Variants in HIVEP1 observed in about 807,000 individuals in gnomAD.
The protein encoded by HIVEP1 is HIVEP zinc finger 1.
A neutral mutation model predicts 180.0 loss-of-function variants in HIVEP1; 36 were observed. The observed-to-expected ratio is 0.20, with a 90% CI of 0.15 to 0.26. The LOEUF is 0.26. Ranked by LOEUF, HIVEP1 falls within the 10% of genes least tolerant of loss-of-function variation. HIVEP1 has a pLI of 1.00. For missense variants in HIVEP1, 3,143 were observed against 3,268.7 expected, an observed-to-expected ratio of 0.96 and a Z score of 0.94; for synonymous variants, 1,239 against 1,239.0, an observed-to-expected ratio of 1.00 and a Z score of 0.00.
intron 2 of HIVEP1, among the ~76,000 whole-genome samples, chr6:12,023,620 A>G (rs1223453046): frequency 6.6e-6 from 1 of 151,904 alleles, no homozygotes; most frequent in Non-Finnish European, 1.5e-5. Flanking sequence ...TGAGGAGGAT[A>G]AAAATATGAA....
At chr6:12,068,786 A>G (rs768376184) in intron 2 of HIVEP1, among the ~76,000 whole-genome samples, 2 of 152,204 alleles carry the variant, frequency 1.3e-5, no homozygotes, top group South Asian at 2.1e-4. Flanking sequence ...CATATATATT[A>G]TACATACCTG....
chr6:12,177,144 C>A, the HIVEP1 span, among the ~76,000 whole-genome samples: 1 of 152,066 alleles, frequency 6.6e-6, no homozygotes, highest in Admixed American at 6.6e-5. Flanking sequence ...AAGAGAACAG[C>A]AGACACTGGG....
rs1221077436 is a variant in HIVEP1, at chr6:12,161,314, G to A, written c.6488-125G>A. ...GCCTTCTCAGCCAGGGCGGAGGCTCGTTGTGGGCAGGGTCCTTGTCTTTTA... is the reference window on the plus strand; with the variant it reads ...GCCTTCTCAGCCAGGGCGGAGGCTCATTGTGGGCAGGGTCCTTGTCTTTTA... On this transcript the variant is annotated intron_variant, in intron 7 of 8. Coordinates refer to ENST00000379388, the MANE Select transcript of HIVEP1 (RefSeq NM_002114.4). 1.6e-5 allele frequency: 14 copies of A among 900,232 alleles called. 1 individual carries two copies. Among genetic ancestry groups the A allele is most frequent in the South Asian group, 1.2e-4 (7 of 60,490 alleles). The allele number at this position is 900,232 out of a possible 1,614,324, so 55.8% of individuals were successfully genotyped here.
intron 5 of HIVEP1, among the ~76,000 whole-genome samples, chr6:12,130,427 G>C (rs930260839): frequency 2.0e-5 from 3 of 152,068 alleles, no homozygotes; most frequent in African/African-American, 7.2e-5. Flanking sequence ...AGTCCCAGCT[G>C]TTCGGGAGGC....
downstream of HIVEP1, among the ~76,000 whole-genome samples, chr6:12,166,857 A>G (rs1199241431): frequency 6.6e-6 from 1 of 152,234 alleles, no homozygotes; most frequent in African/African-American, 2.4e-5. Context: ...GAAAGTTTTA[A>G]TGTGTAACAA....
At chr6:12,071,965 CTCTG>C (rs1393424842) in intron 2 of HIVEP1, among the ~76,000 whole-genome samples, 1 of 152,070 alleles carries the variant, frequency 6.6e-6, no homozygotes, top group Non-Finnish European at 1.5e-5. Context: ...TTACATTTGC[CTCTG>C]TCTTTTTCTT....
chr6:12,122,413 C>T lies in HIVEP1; in HGVS notation c.2618C>T (p.Ala873Val), dbSNP rs376662514. ...CAGTCATTTGATGACAAAATTGGCGCTTTCTATGATGATGTCTTTGTATCG... is the reference window on the plus strand; with the variant it reads ...CAGTCATTTGATGACAAAATTGGCGTTTTCTATGATGATGTCTTTGTATCG... ...GSQSFDDKIG[A>V]FYDDVFVSGP... Residue 873 changes from alanine (A) to valine (V), a missense_variant, in exon 4 of 9, where the codon GCT (alanine) becomes GTT (valine). Physicochemically the swap from Ala to Val is moderately conservative, Grantham distance 64 (BLOSUM62 0). Coordinates refer to ENST00000379388, the MANE Select transcript of HIVEP1 (RefSeq NM_002114.4). The T allele has an allele frequency of 1.9e-5, 31 of 1,614,230 alleles. No individual in the cohort carries two copies. The African/African-American group carries it at 3.9e-4, about 20-fold the overall frequency.
At chr6:12,022,416 C>G (rs1349578613) in intron 2 of HIVEP1, among the ~76,000 whole-genome samples, 7 of 152,064 alleles carry the variant, frequency 4.6e-5, no homozygotes, top group Admixed American at 4.6e-4. Flanking sequence ...GTGATCCACC[C>G]GCCTCGGCCT....
At chr6:12,190,145 G>A in the HIVEP1 span, among the ~76,000 whole-genome samples, 7 of 152,142 alleles carry the variant, frequency 4.6e-5, no homozygotes, top group Non-Finnish European at 8.8e-5. Context: ...TGTACCTTCT[G>A]GATACAGGAC....
the HIVEP1 span, among the ~76,000 whole-genome samples, chr6:12,171,285 G>A: frequency 1.3e-5 from 2 of 152,040 alleles, no homozygotes; most frequent in African/African-American, 2.4e-5. Context: ...ACTCCTGACC[G>A]CAAGCAATCC....
chr6:12,140,166 C>T (rs915403637), intron 7 of HIVEP1, among the ~76,000 whole-genome samples: 24 of 152,288 alleles, frequency 1.6e-4, no homozygotes, highest in Admixed American at 5.9e-4. Context: ...CAATATTTGC[C>T]GTTCTGCAAT....
intron 2 of HIVEP1, among the ~76,000 whole-genome samples, chr6:12,052,102 C>T (rs534614605): frequency 6.6e-6 from 1 of 152,236 alleles, no homozygotes; most frequent in African/African-American, 2.4e-5. Context: ...TAAAAGCAGT[C>T]TTTGGAAATT....
chr6:12,015,485 G>A (rs1272499701), intron 1 of HIVEP1, 41 bp from the exon 2 acceptor site: 7 of 681,784 alleles, frequency 1.0e-5, no homozygotes, highest in Non-Finnish European at 1.8e-5. Flanking sequence ...TTTCTCCTCT[G>A]AAGGTAGTAA....
intron 7 of HIVEP1, among the ~76,000 whole-genome samples, chr6:12,141,135 C>T (rs1405326858): frequency 6.6e-6 from 1 of 152,126 alleles, no homozygotes; most frequent in African/African-American, 2.4e-5. Flanking sequence ...TCGGGTCACC[C>T]ACAAAGGGAA....
chr6:12,123,839 A>G lies in HIVEP1; in HGVS notation c.4044A>G (p.Pro1348=), dbSNP rs1757870991. Residue 1348 remains proline, a synonymous_variant, in exon 4 of 9, where the codon CCA becomes CCG. Transcript: ENST00000379388. ...FLNKAEFLMI[P]AGLNTLNVPG... is the part of the protein sequence containing the mutation. ...ATAAAGCCGAGTTTCTTATGATTCCAGCTGGCTTGAATACTCTGAATGTTC... is the reference window on the plus strand; with the variant it reads ...ATAAAGCCGAGTTTCTTATGATTCCGGCTGGCTTGAATACTCTGAATGTTC... The G allele has an allele frequency of 6.2e-7, 1 of 1,614,046 alleles. No homozygotes were observed. Among genetic ancestry groups the G allele is most frequent in the Admixed American group, 1.7e-5 (1 of 59,992 alleles).
intron 2 of HIVEP1, chr6:12,037,821 C>T (rs899398740): frequency 4.7e-6 from 2 of 426,290 alleles, no homozygotes; most frequent in Admixed American, 4.2e-5. Context: ...TGTCCCCTTC[C>T]TGCTTTAGCG....
intron 2 of HIVEP1, among the ~76,000 whole-genome samples, chr6:12,051,014 A>ATATATATATATATATATATATATATG (rs1561890272): frequency 3.8e-5 from 5 of 132,758 alleles, no homozygotes; most frequent in African/African-American, 1.2e-4. Flanking sequence ...ATATATATAT[A>ATATATATATATATATATATATATATG]TATATATATA....
chr6:12,034,801 G>A (rs897524283), intron 2 of HIVEP1, among the ~76,000 whole-genome samples: 1 of 152,162 alleles, frequency 6.6e-6, no homozygotes, highest in African/African-American at 2.4e-5. Flanking sequence ...CAGAGACTTG[G>A]GTAAGGAGAG....
At chr6:12,171,662 A>G in the HIVEP1 span, among the ~76,000 whole-genome samples, 9 of 152,192 alleles carry the variant, frequency 5.9e-5, no homozygotes, top group African/African-American at 2.2e-4. Flanking sequence ...GGATTGTGAA[A>G]GAAGAGAAAG....
Sources: allele counts gnomAD v4.1 joint callset (sites outside exome capture counted in the v4.1 genomes callset), GRCh38; gene constraint gnomAD v4.1.1; transcripts MANE v1.5; gene names NCBI Gene and HGNC (gene_info 2026-07-23, HGNC 2026-07-21).